Variants in NFATC3 observed in about 807,000 individuals in gnomAD.
The protein encoded by NFATC3 is nuclear factor of activated T cells 3, also known as nuclear factor of activated T-cells, cytoplasmic 3.
NFATC3 carries 46 observed loss-of-function variants against 98.6 expected under a neutral mutation model. The observed-to-expected ratio is 0.47, with a 90% confidence interval of 0.37 to 0.60. The LOEUF is 0.60. Among genes scored for constraint, NFATC3 ranks in the 20% least tolerant of loss-of-function variants. The probability of loss-of-function intolerance (pLI) is 0.00; values close to 1 mark genes in which losing one functional copy is unlikely to be tolerated. For missense variants in NFATC3, 1,256 were observed against 1,295.5 expected (o/e 0.97, Z 0.47); for synonymous variants, 512 against 472.2 (o/e 1.08, Z -1.09).
Position 68,157,939 on chromosome 16 carries a change from G to A in NFATC3, c.1472G>A (p.Arg491Gln). 1 of 1,613,662 alleles carries A rather than the reference G, an allele frequency of 6.2e-7. No individual in the cohort carries two copies. Among genetic ancestry groups the A allele is most frequent in the Non-Finnish European group, 8.5e-7 (1 of 1,179,840 alleles). ...GGGACAGCAGATGATCGATATTTACGACCTCATGCATTTTACCAGGTGCAT... is the reference window on the plus strand; with the variant it reads ...GGGACAGCAGATGATCGATATTTACAACCTCATGCATTTTACCAGGTGCAT... ...FIGTADDRYLRPHAFYQVHRI... is the reference protein window; with the variant it reads ...FIGTADDRYLQPHAFYQVHRI... The change falls in exon 4 of 10, where the codon CGA becomes CAA. Residue 491 changes from arginine to glutamine, a missense_variant. Arg to Gln is a conservative substitution (Grantham distance 43). Around this residue, in one of 3 missense-constraint regions of NFATC3, gnomAD observed 156 missense variants for 212.4 expected, o/e 0.73. Transcript: ENST00000346183.
intron 9 of NFATC3, chr16:68,192,203 G>A (rs1464450482): frequency 2.2e-5 from 2 of 89,888 alleles, no homozygotes; most frequent in East Asian, 2.9e-4. Flanking sequence ...GCAAGACTCC[G>A]TCTCGGGAAA....
chr16:68,143,858 T>C (rs1239040047), intron 3 of NFATC3, among the ~76,000 whole-genome samples: 1 of 151,726 alleles, frequency 6.6e-6, no homozygotes, highest in African/African-American at 2.4e-5. Context: ...TCTCAAAAAA[T>C]AAAATAACCT....
intron 1 of NFATC3, among the ~76,000 whole-genome samples, chr16:68,103,186 T>A (rs12928628): frequency 7.3e-5 from 11 of 151,126 alleles, no homozygotes; most frequent in South Asian, 4.1e-4. Context: ...TCTTCTTTTT[T>A]TTTTATTTTA....
rs1273746628 is a variant in NFATC3, at chr16:68,085,717, C to G, written c.36C>G (p.Leu12=). 2 of 1,514,770 alleles carry G rather than the reference C, an allele frequency of 1.3e-6. No individual in the cohort carries two copies. Among genetic ancestry groups the G allele is most frequent in the East Asian group, 2.8e-5 (1 of 36,086 alleles). 93.8% of individuals were successfully genotyped at this position (1,514,770 alleles called of 1,614,324 possible). The change falls in exon 1 of 10, where the codon CTC becomes CTG. Residue 12 remains leucine (L), a synonymous_variant. Transcript: ENST00000346183. Reference sequence around the variant, plus strand: ...CAAACTGTGGCGCCCACGACGAGCTCGACTTCAAACTCGTCTTTGGCGAGG... The same window carrying G: ...CAAACTGTGGCGCCCACGACGAGCTGGACTTCAAACTCGTCTTTGGCGAGG... ...TTANCGAHDE[L]DFKLVFGEDG... is the part of the protein sequence containing the mutation.
rs547318229 is a variant in NFATC3 at position 68,148,877 on chromosome 16, C to T, written c.1402-8992C>T. Among the ~76,000 whole-genome samples the T allele has an allele frequency of 5.9e-5, 9 of 152,200 alleles. No individual in the cohort carries two copies. In the South Asian group the frequency reaches 1.9e-3, roughly 32 times the overall value. ...CAAAAAAATTAGCCGGGCATGGTGG[C>T]TCATGCCTGTAGTTCCAGCTACTCA... On this transcript the variant is annotated intron_variant, in intron 3 of 9. Coordinates refer to ENST00000346183, the MANE Select transcript of NFATC3 (RefSeq NM_173165.3).
intron 1 of NFATC3, among the ~76,000 whole-genome samples, chr16:68,092,133 G>T (rs558569851): frequency 6.6e-6 from 1 of 152,152 alleles, no homozygotes; most frequent in Non-Finnish European, 1.5e-5. Context: ...TTAATCTTTG[G>T]GACAGTTCTA....
chr16:68,196,860 G>T (rs181725966), intron 9 of NFATC3, among the ~76,000 whole-genome samples: 1 of 151,686 alleles, frequency 6.6e-6, no homozygotes. Context: ...GAGAAACCCC[G>T]TCTCTACCAA....
chr16:68,176,015 G>A (rs983880424), intron 6 of NFATC3, among the ~76,000 whole-genome samples: 3 of 151,772 alleles, frequency 2.0e-5, no homozygotes. Flanking sequence ...GCCTCGCTCT[G>A]TTACCCCGGC....
In NFATC3 at chr16:68,191,364, G is replaced by A. The variant is rs2040410253; in HGVS notation, c.2695G>A (p.Ala899Thr). The A allele has an allele frequency of 6.2e-7, 1 of 1,613,980 alleles. No homozygotes were observed. The highest frequency in any genetic ancestry group is 8.5e-7 in the Non-Finnish European group (1 of 1,180,030). ...TGQRSLSSPV[A>T]DQITGQPSSQ... ...ACAAAGATCTCTTTCTTCTCCAGTGGCTGACCAGATTACAGGTCAGCCTTC... is the reference window on the plus strand; with the variant it reads ...ACAAAGATCTCTTTCTTCTCCAGTGACTGACCAGATTACAGGTCAGCCTTC... The change falls in exon 9 of 10, where the codon GCT becomes ACT. Residue 899 changes from alanine to threonine, a missense_variant. Around this residue, in one of 3 missense-constraint regions of NFATC3, gnomAD observed 636 missense variants for 617.3 expected, o/e 1.03. Coordinates refer to ENST00000346183, the MANE Select transcript of NFATC3 (RefSeq NM_173165.3).
chr16:68,201,262 A>T (rs1462964183), intron 9 of NFATC3, among the ~76,000 whole-genome samples: 2 of 148,028 alleles, frequency 1.4e-5, no homozygotes, highest in African/African-American at 2.5e-5. Context: ...ACAGGGTCTC[A>T]CTCTGTTGCA....
chr16:68,150,596 A>T (rs1311945160), intron 3 of NFATC3, among the ~76,000 whole-genome samples: 1 of 152,108 alleles, frequency 6.6e-6, no homozygotes, highest in Admixed American at 6.6e-5. Flanking sequence ...AAAAAAAGTG[A>T]TATAATTGAC....
chr16:68,151,705 C>T (rs1052171986), intron 3 of NFATC3, among the ~76,000 whole-genome samples: 6 of 152,112 alleles, frequency 3.9e-5, no homozygotes, highest in Non-Finnish European at 7.4e-5. Context: ...CGCATCTTCA[C>T]AACATTTAAA....
chr16:68,207,187 G>A (rs1751647714), intron 9 of NFATC3, among the ~76,000 whole-genome samples: 1 of 151,648 alleles, frequency 6.6e-6, no homozygotes, highest in Non-Finnish European at 1.5e-5. Flanking sequence ...GTGGGCGCCT[G>A]TAATCTCAGC....
chr16:68,112,880 C>T (rs1425579616), intron 1 of NFATC3, among the ~76,000 whole-genome samples: 1 of 151,892 alleles, frequency 6.6e-6, no homozygotes, highest in Non-Finnish European at 1.5e-5. Context: ...GTCTGTTCAG[C>T]TGTTGATACT....
intron 4 of NFATC3, among the ~76,000 whole-genome samples, chr16:68,164,185 T>C (rs56097211): frequency 0.18 from 27,963 of 151,916 alleles, 2,949 homozygotes; most frequent in African/African-American, 0.28. Flanking sequence ...GGATCACTCG[T>C]GGTTAGGAGC....
chr16:68,213,417 AAAATAAAT>A (rs1190397240), intron 9 of NFATC3, among the ~76,000 whole-genome samples: 2 of 150,730 alleles, frequency 1.3e-5, no homozygotes, highest in Admixed American at 6.6e-5. Flanking sequence ...TCTGTCTCAA[AAAATAAAT>A]AAATAAATAA....
chr16:68,201,957 C>CA (rs778770193), intron 9 of NFATC3, among the ~76,000 whole-genome samples: 930 of 23,528 alleles, frequency 0.04, 117 homozygotes, highest in East Asian at 0.063. Context: ...GACTCCATCT[C>CA]AAAAAAAAAA....
intron 3 of NFATC3, among the ~76,000 whole-genome samples, chr16:68,141,470 TC>T (rs2037749560): frequency 1.3e-5 from 2 of 152,174 alleles, no homozygotes; most frequent in African/African-American, 4.8e-5. Context: ...GATGCCAACA[TC>T]TATTGTTTTC....
chr16:68,099,568 T>C (rs1278116862), intron 1 of NFATC3, among the ~76,000 whole-genome samples: 1 of 151,370 alleles, frequency 6.6e-6, no homozygotes, highest in Non-Finnish European at 1.5e-5. Flanking sequence ...GCCATTTCAC[T>C]CCAGCCCAGG....
Sources: gnomAD v4.1 joint callset for allele counts (sites outside exome capture counted in the v4.1 genomes callset) on GRCh38, gnomAD v4.1.1 for gene constraint, gnomAD v4.1.1 regional missense constraint, MANE v1.5 for transcripts, NCBI Gene and HGNC (gene_info 2026-07-23, HGNC 2026-07-21) for gene names.